ADORA2B: variants seen among roughly 807,000 people sequenced by gnomAD.
ADORA2B encodes adenosine A2b receptor, also known as adenosine receptor A2b.
In ADORA2B, 18 loss-of-function variants were observed where a neutral mutation model predicts 20.8. That is an observed-to-expected ratio of 0.87 (90% CI 0.60 to 1.29). ADORA2B has a LOEUF of 1.29. ADORA2B is among the 50% of genes most tolerant of loss of function. The pLI is 0.00. For missense variants in ADORA2B, 441 were observed against 422.7 expected, an observed-to-expected ratio of 1.04 and a Z score of -0.38; for synonymous variants, 179 against 178.3, an observed-to-expected ratio of 1.00 and a Z score of -0.03.
the ADORA2B span, among the ~76,000 whole-genome samples, chr17:15,886,056 G>A: frequency 5.0e-4 from 76 of 152,294 alleles, no homozygotes; most frequent in Middle Eastern, 6.8e-3. Flanking sequence ...CATAAGCCAT[G>A]GGAACTCAAC....
chr17:15,880,591 T>C, the ADORA2B span, among the ~76,000 whole-genome samples: 8,700 of 140,988 alleles, frequency 0.062, 824 homozygotes, highest in African/African-American at 0.21. Flanking sequence ...TGGAGCACTG[T>C]GAGTTGGAGG....
the ADORA2B span, among the ~76,000 whole-genome samples, chr17:15,901,970 T>C: frequency 6.6e-6 from 1 of 152,082 alleles, no homozygotes; most frequent in Non-Finnish European, 1.5e-5. Context: ...CACACCTTCC[T>C]CTCCAGCACT....
the ADORA2B span, among the ~76,000 whole-genome samples, chr17:15,894,929 G>A: frequency 6.6e-6 from 1 of 152,164 alleles, no homozygotes; most frequent in African/African-American, 2.4e-5. Context: ...GGGATAGTGG[G>A]GAGGGGAGAG....
chr17:15,966,975 G>A (rs1970127174), intron 1 of ADORA2B, among the ~76,000 whole-genome samples: 1 of 152,228 alleles, frequency 6.6e-6, no homozygotes, highest in Admixed American at 6.5e-5. Flanking sequence ...CGTGGCCCAT[G>A]CCCTTCAGGA....
the ADORA2B span, among the ~76,000 whole-genome samples, chr17:15,875,092 A>G: frequency 2.0e-5 from 3 of 151,904 alleles, no homozygotes; most frequent in Admixed American, 6.6e-5. Flanking sequence ...TTCTGTTTGC[A>G]TGTTCTTCTT....
At chr17:15,896,851 G>C in the ADORA2B span, among the ~76,000 whole-genome samples, 1 of 152,168 alleles carries the variant, frequency 6.6e-6, no homozygotes, top group Non-Finnish European at 1.5e-5. Context: ...AAAGTAAAAG[G>C]CTCCCCAGGT....
chr17:15,867,039 G>C, the ADORA2B span, among the ~76,000 whole-genome samples: 3 of 152,218 alleles, frequency 2.0e-5, no homozygotes, highest in Admixed American at 6.5e-5. Flanking sequence ...CGCCAGCCTC[G>C]GCCTCCCGAG....
At chr17:15,954,995 C>T (rs1295980002) in intron 1 of ADORA2B, among the ~76,000 whole-genome samples, 1 of 151,998 alleles carries the variant, frequency 6.6e-6, no homozygotes, top group East Asian at 1.9e-4. Context: ...TAAATGGTAA[C>T]TCTTACTTTT....
chr17:15,921,579 T>C, the ADORA2B span, among the ~76,000 whole-genome samples: 1 of 152,104 alleles, frequency 6.6e-6, no homozygotes, highest in Non-Finnish European at 1.5e-5. Flanking sequence ...ACACCAAAAA[T>C]GGGTAATGAA....
chr17:15,896,298 A>G, the ADORA2B span, among the ~76,000 whole-genome samples: 3 of 152,234 alleles, frequency 2.0e-5, no homozygotes, highest in African/African-American at 7.2e-5. Context: ...ATAAGAGACT[A>G]CAAAAAAACT....
the ADORA2B span, among the ~76,000 whole-genome samples, chr17:15,916,091 G>C: frequency 6.6e-6 from 1 of 152,140 alleles, no homozygotes; most frequent in Admixed American, 6.6e-5. Context: ...AGCTGGGGTG[G>C]GGGGGTCACA....
At chr17:15,936,749 A>G in the ADORA2B span, among the ~76,000 whole-genome samples, 1 of 152,228 alleles carries the variant, frequency 6.6e-6, no homozygotes, top group Non-Finnish European at 1.5e-5. Context: ...TGCAGCCAAG[A>G]GTTTGAGACC....
chr17:15,974,021 G>A (rs1029773164), intron 1 of ADORA2B: 4 of 152,076 alleles, frequency 2.6e-5, no homozygotes, highest in Non-Finnish European at 4.4e-5. Flanking sequence ...TCACGTGGTG[G>A]AAGATAATTT....
chr17:15,860,186 A>G, the ADORA2B span, among the ~76,000 whole-genome samples: 1 of 152,092 alleles, frequency 6.6e-6, no homozygotes, highest in Non-Finnish European at 1.5e-5. Context: ...TGAGCCCTTA[A>G]AAGGGACAGG....
chr17:15,892,670 A>C, the ADORA2B span, among the ~76,000 whole-genome samples: 1 of 122,298 alleles, frequency 8.2e-6, no homozygotes, highest in East Asian at 2.3e-4. Context: ...TTTTTTTTTG[A>C]CTTTAGCAGT....
At chr17:15,964,847 G>A (rs1222610214) in intron 1 of ADORA2B, among the ~76,000 whole-genome samples, 1 of 151,930 alleles carries the variant, frequency 6.6e-6, no homozygotes, top group Non-Finnish European at 1.5e-5. Context: ...GAATCACGAG[G>A]TCAGGAGATC....
At chr17:15,891,963 T>G in the ADORA2B span, among the ~76,000 whole-genome samples, 1 of 149,690 alleles carries the variant, frequency 6.7e-6, no homozygotes, top group Non-Finnish European at 1.5e-5. Flanking sequence ...TTCTTCTGCC[T>G]CAGCCTTCCC....
the ADORA2B span, among the ~76,000 whole-genome samples, chr17:15,881,561 A>G: frequency 1.3e-5 from 2 of 152,186 alleles, no homozygotes; most frequent in Admixed American, 6.5e-5. Context: ...TGAGCTCTGT[A>G]TGCTTTAAAC....
the ADORA2B span, among the ~76,000 whole-genome samples, chr17:15,876,087 G>T: frequency 0.01 from 1,542 of 152,200 alleles, 25 homozygotes; most frequent in African/African-American, 0.035. Flanking sequence ...GATCTTCTGT[G>T]TCCTACATCC....
Sources: gnomAD v4.1 joint callset for allele counts (sites outside exome capture counted in the v4.1 genomes callset) on GRCh38, gnomAD v4.1.1 for gene constraint, MANE v1.5 for transcripts, NCBI Gene and HGNC (gene_info 2026-07-23, HGNC 2026-07-21) for gene names.